The following TEP1 variants were observed in gnomAD, a reference collection of about 807,000 sequenced individuals.
TEP1 encodes the protein telomerase associated protein 1.
TEP1 carries 241 observed loss-of-function variants against 306.3 expected under a neutral mutation model. The ratio of observed to expected loss-of-function variants is 0.79; its 90% CI spans 0.71 to 0.88. The LOEUF is 0.88. Among genes scored for constraint, TEP1 ranks in the 40% least tolerant of loss-of-function variants. The pLI is 0.00. For synonymous variants in TEP1, 1,289 were observed against 1,305.5 expected (o/e 0.99, Z 0.27); for missense variants, 3,051 against 3,276.1 (o/e 0.93, Z 1.68).
At position 20,401,523 on chromosome 14, in the gene TEP1, T is replaced by A; in HGVS notation, c.1325A>T (p.Lys442Met). 1 of 1,614,222 alleles carries A rather than the reference T, an allele frequency of 6.2e-7. No homozygotes were observed. The highest frequency in any genetic ancestry group is 8.5e-7 in the Non-Finnish European group (1 of 1,180,048). Reference sequence around the variant, plus strand: ...GATGTGCAGTCGCTGAACCAGCTTCTTCAGGGTGAACCTTGGAGGATTCTT... The same window carrying A: ...GATGTGCAGTCGCTGAACCAGCTTCATCAGGGTGAACCTTGGAGGATTCTT... ...EKKNPPRFTL[K>M]KLVQRLHIHK... The change falls in exon 8 of 55, where the codon AAG becomes ATG. Residue 442 changes from lysine (K) to methionine (M), a missense_variant. Physicochemically the swap from Lys to Met is moderately conservative, Grantham distance 95. Coordinates refer to ENST00000262715, the MANE Select transcript of TEP1 (RefSeq NM_007110.5).
chr14:20,402,291 G>T (rs942633994), intron 7 of TEP1, among the ~76,000 whole-genome samples: 1 of 152,172 alleles, frequency 6.6e-6, no homozygotes, highest in African/African-American at 2.4e-5. Context: ...CTGGGCTACA[G>T]AGCAAGACTT....
At chr14:20,379,647 C>T (rs1885409887) in intron 35 of TEP1, among the ~76,000 whole-genome samples, 1 of 152,152 alleles carries the variant, frequency 6.6e-6, no homozygotes, top group African/African-American at 2.4e-5. Context: ...TTTTTTACCT[C>T]GTATGTCTTA....
Position 20,401,149 on chromosome 14 carries a change from T to C in TEP1, c.1392-8A>G, listed in dbSNP as rs1471716445. 1 of 1,613,250 alleles carries C rather than the reference T, an allele frequency of 6.2e-7. No individual in the cohort carries two copies. Among genetic ancestry groups the C allele is most frequent in the Non-Finnish European group, 8.5e-7 (1 of 1,179,822 alleles). On this transcript the variant is annotated splice_region_variant and splice_polypyrimidine_tract_variant and intron_variant, in intron 8 of 54. Coordinates refer to ENST00000262715, the MANE Select transcript of TEP1 (RefSeq NM_007110.5). ...TGTAGGTTGGAGGGGTATCTGAGGA[T>C]AGGTAAGAAAGAGGTCTATCATTTC...
At chr14:20,409,380 G>A (rs1879451280) in intron 1 of TEP1, among the ~76,000 whole-genome samples, 1 of 152,122 alleles carries the variant, frequency 6.6e-6, no homozygotes, top group African/African-American at 2.4e-5. Flanking sequence ...TTCCTGGAGT[G>A]GTCTCACCCA....
chr14:20,411,720 CAG>C (rs1206719973), intron 1 of TEP1, among the ~76,000 whole-genome samples: 1 of 151,834 alleles, frequency 6.6e-6, no homozygotes, highest in East Asian at 1.9e-4. Flanking sequence ...GCTCAATTTT[CAG>C]AGTGTCTATG....
rs34179031 is a variant in TEP1 at position 20,386,510 on chromosome 14, C to T, written c.2798G>A (p.Arg933His). 3.7e-3 allele frequency: 5,916 copies of T among 1,612,804 alleles called. 150 individuals carry two copies. The African/African-American group carries it at 0.061, about 17-fold the overall frequency. ...GAGGTCGATTCCGTGAAGGCTGATA[C>T]GGTGAGGGGCCGCTCGGGCCTGCAG... ...PALQARAAPH[R>H]ISLHGIDLRW... Residue 933 changes from arginine (R) to histidine (H), a missense_variant, in exon 19 of 55, where the codon CGT becomes CAT. This residue lies in a region of TEP1 where 1,507 missense variants were observed against 1,550.5 expected (regional missense o/e 0.97). Coordinates refer to ENST00000262715, the MANE Select transcript of TEP1 (RefSeq NM_007110.5).
Position 20,403,159 on chromosome 14 carries a change from C to CA in TEP1, c.1266+217dup, listed in dbSNP as rs61465318. Among the ~76,000 whole-genome samples, 405 of 83,094 alleles carry CA rather than the reference C, an allele frequency of 4.9e-3. 5 individuals are homozygous for CA. The highest frequency in any genetic ancestry group is 0.01 in the African/African-American group (216 of 21,512). 54.5% of individuals were successfully genotyped at this position (83,094 alleles called of 152,430 possible). A position where few individuals can be genotyped will look rare whatever the true frequency, so the allele number is the denominator to read the frequency against. On this transcript the variant is annotated intron_variant, in intron 7 of 54. Coordinates refer to ENST00000262715, the MANE Select transcript of TEP1 (RefSeq NM_007110.5). ...TGGGCCACAGTGCATAACTTCATCTCAAAAAAAAAAAAAAAAAAAAAATAC... is the reference window on the plus strand; with the variant it reads ...TGGGCCACAGTGCATAACTTCATCTCAAAAAAAAAAAAAAAAAAAAAAATAC...
rs758346602 is a variant in TEP1, at chr14:20,376,159, C to A, written c.6194G>T (p.Ser2065Ile). 1 of 1,614,104 alleles carries A rather than the reference C, an allele frequency of 6.2e-7. No individual in the cohort carries two copies. ...TCCATCAGTGCTGAAACTACAGCAG[C>A]TCACAGGGCCCTCATGTCCCCGCAG... is the stretch of plus-strand genomic sequence containing the variant. Reference protein sequence around the residue: ...TELRGHEGPVSCCSFSTDGGS... With the variant: ...TELRGHEGPVICCSFSTDGGS... The change falls in exon 42 of 55, where the codon AGC becomes ATC. Residue 2065 changes from serine (S) to isoleucine (I), a missense_variant. Transcript: ENST00000262715.
chr14:20,412,344 T>A (rs1284389752), intron 1 of TEP1, among the ~76,000 whole-genome samples: 2 of 152,164 alleles, frequency 1.3e-5, no homozygotes, highest in African/African-American at 4.8e-5. Flanking sequence ...ATAGTGAGAC[T>A]GTCCTATCCT....
In TEP1 at chr14:20,369,741, G is replaced by A. The variant is rs370853183; in HGVS notation, c.7356C>T (p.Asn2452=). Residue 2452 remains asparagine (N), a synonymous_variant, in exon 52 of 55, where the codon AAC becomes AAT. Transcript: ENST00000262715. ...KESGEFEERL[N]FDINLENPSR... ...TAGGATTCTCTAAGTTTATATCAAA[G>A]TTCAGCCTCTCTTCAAACTCTCCTG... 14 of 1,614,008 alleles carry A rather than the reference G, an allele frequency of 8.7e-6. No homozygotes were observed. Among genetic ancestry groups the A allele is most frequent in the Non-Finnish European group, 1.2e-5 (14 of 1,180,032 alleles).
intron 4 of TEP1, 49 bp downstream of exon 4, chr14:20,405,401 TC>T (rs1879097938): frequency 6.8e-7 from 1 of 1,469,320 alleles, no homozygotes. Context: ...ATAACCACAC[TC>T]CCAGTCTACC....
At chr14:20,411,148 T>C (rs144769892) in intron 1 of TEP1, among the ~76,000 whole-genome samples, 1,674 of 152,232 alleles carry the variant, frequency 0.011, 20 homozygotes, top group Middle Eastern at 0.017. Context: ...GAAATACAAC[T>C]CCTTAAGGTA....
At chr14:20,369,922 T>TTTTTTC in intron 51 of TEP1, 143 bp from the exon 52 acceptor site, 1 of 628,858 alleles carries the variant, frequency 1.6e-6, no homozygotes, top group East Asian at 2.8e-5. Context: ...GCGCAAATTT[T>TTTTTTC]TTTTTTTTTG....
intron 18 of TEP1, 143 bp from the exon 19 acceptor site, chr14:20,386,766 G>A: frequency 1.1e-6 from 1 of 873,564 alleles, no homozygotes; most frequent in Non-Finnish European, 1.6e-6. Context: ...CTTCAGAGAA[G>A]CACCTGCTAG....
At chr14:20,386,696 C>T (rs1189637641) in intron 18 of TEP1, 73 bp from the exon 19 acceptor site, 2 of 1,412,844 alleles carry the variant, frequency 1.4e-6, no homozygotes, top group Non-Finnish European at 1.9e-6. Context: ...CTGCTGTGAT[C>T]ACCCTTTAGC....
Position 20,383,651 on chromosome 14 carries a change from A to G in TEP1, c.3711-7T>C, listed in dbSNP as rs772156404. ...CAGCTCCCACACCAGGCTTCTGTAC[A>G]TGGAGAGGAAGTCAGGGTCAGTGGG... On this transcript the variant is annotated splice_region_variant and splice_polypyrimidine_tract_variant and intron_variant, in intron 25 of 54. Coordinates refer to ENST00000262715, the MANE Select transcript of TEP1 (RefSeq NM_007110.5). 1.9e-6 allele frequency: 3 copies of G among 1,612,558 alleles called. No homozygotes were observed. Among genetic ancestry groups the G allele is most frequent in the South Asian group, 1.1e-5 (1 of 90,720 alleles).
At chr14:20,390,304 T>A (rs35384067) in intron 15 of TEP1, among the ~76,000 whole-genome samples, 26,547 of 152,192 alleles carry the variant, frequency 0.17, 2,528 homozygotes, top group African/African-American at 0.21. Context: ...TTTTACTACA[T>A]TTTACTATTA....
At position 20,379,099 on chromosome 14, in the gene TEP1, T is replaced by C. The variant is rs1257016208; in HGVS notation, c.5134A>G (p.Lys1712Glu). The C allele has an allele frequency of 1.2e-6, 2 of 1,613,950 alleles. No individual in the cohort carries two copies. Among genetic ancestry groups the C allele is most frequent in the African/African-American group, 1.3e-5 (1 of 75,002 alleles). The change falls in exon 36 of 55, where the codon AAG becomes GAG. Residue 1712 changes from lysine to glutamate, a missense_variant. Lys to Glu is a moderately conservative substitution (Grantham distance 56, BLOSUM62 1). Around this residue, in one of 3 missense-constraint regions of TEP1, gnomAD observed 1,540 missense variants for 1,705.9 expected, o/e 0.90. Transcript: ENST00000262715. ...LLDLRTWQEE[K>E]SVVSGCDGIS... is the part of the protein sequence containing the mutation. ...CCATCACAGCCACTCACCACAGACT[T>C]CTCCTCCTGCGACAGTGGGTGAGGG...
At position 20,378,217 on chromosome 14, in the gene TEP1, G is replaced by A. The variant is rs573697445; in HGVS notation, c.5528C>T (p.Ala1843Val). 15 of 1,613,536 alleles carry A rather than the reference G, an allele frequency of 9.3e-6. No homozygotes were observed. Among genetic ancestry groups the A allele is most frequent in the Non-Finnish European group, 1.2e-5 (14 of 1,180,036 alleles). Residue 1843 changes from alanine to valine, a missense_variant, in exon 39 of 55, where the codon GCC (alanine) becomes GTC (valine). Transcript: ENST00000262715. Reference protein sequence around the residue: ...KVTKDLGAPGASIRTLAFNVP... With the variant: ...KVTKDLGAPGVSIRTLAFNVP... Reference sequence around the variant, plus strand: ...ATTGAAGGCCAAGGTACGGATAGAGGCTCCGGGTGCCCCCAGGTCCTACAC... The same window carrying A: ...ATTGAAGGCCAAGGTACGGATAGAGACTCCGGGTGCCCCCAGGTCCTACAC...
Sources: gnomAD v4.1 joint callset for allele counts (sites outside exome capture counted in the v4.1 genomes callset) on GRCh38, gnomAD v4.1.1 for gene constraint, gnomAD v4.1.1 regional missense constraint, MANE v1.5 for transcripts, NCBI Gene and HGNC (gene_info 2026-07-23, HGNC 2026-07-21) for gene names.